Variants in PTPRT observed in about 807,000 individuals in gnomAD.
PTPRT encodes protein tyrosine phosphatase receptor type T.
Under a neutral mutation model 176.8 loss-of-function variants are expected in PTPRT, and 56 were observed. The observed-to-expected ratio is 0.32, with a 90% CI of 0.26 to 0.40. PTPRT has a LOEUF of 0.40. Ranked by LOEUF, PTPRT falls within the 10% of genes least tolerant of loss-of-function variation. The probability of loss-of-function intolerance (pLI) is 1.00; values close to 1 mark genes in which losing one functional copy is unlikely to be tolerated. For missense variants in PTPRT, 1,540 were observed against 1,908.2 expected (o/e 0.81, Z 3.60); for synonymous variants, 783 against 739.0 (o/e 1.06, Z -0.96).
intron 6 of PTPRT, among the ~76,000 whole-genome samples, chr20:42,696,075 C>A (rs2075870072): frequency 6.6e-6 from 1 of 152,072 alleles, no homozygotes; most frequent in South Asian, 2.1e-4. Context: ...TACACTAAGT[C>A]TACCATTTTA....
At chr20:42,357,255 C>T (rs748373991) in intron 9 of PTPRT, among the ~76,000 whole-genome samples, 6 of 152,282 alleles carry the variant, frequency 3.9e-5, no homozygotes, top group Admixed American at 6.5e-5. Context: ...TCTCACACTA[C>T]GAAAGCAGAG....
intron 7 of PTPRT, among the ~76,000 whole-genome samples, chr20:42,669,980 C>T (rs974163316): frequency 3.9e-5 from 6 of 152,126 alleles, no homozygotes; most frequent in Admixed American, 6.5e-5. Context: ...CCCCTTACCC[C>T]GTGCCCTATA....
At chr20:42,941,467 C>T (rs904905070) in intron 1 of PTPRT, among the ~76,000 whole-genome samples, 1 of 152,174 alleles carries the variant, frequency 6.6e-6, no homozygotes, top group Non-Finnish European at 1.5e-5. Context: ...TGCCTCTTCC[C>T]TACCCCTTTT....
intron 5 of PTPRT, among the ~76,000 whole-genome samples, chr20:42,765,148 C>T (rs959226580): frequency 3.9e-5 from 6 of 152,292 alleles, no homozygotes; most frequent in African/African-American, 9.6e-5. Flanking sequence ...CTGCACAGGG[C>T]GTTTGGACAC....
chr20:42,787,585 A>C (rs1424148909), intron 3 of PTPRT, among the ~76,000 whole-genome samples: 1 of 152,256 alleles, frequency 6.6e-6, no homozygotes, highest in African/African-American at 2.4e-5. Flanking sequence ...TGTTCCACAG[A>C]GCACACTCTA....
intron 15 of PTPRT, among the ~76,000 whole-genome samples, chr20:42,204,816 A>G (rs1009979059): frequency 6.6e-6 from 1 of 152,038 alleles, no homozygotes; most frequent in Non-Finnish European, 1.5e-5. Flanking sequence ...AAAGTGTGGA[A>G]ATCATGCTAC....
Position 42,080,697 on chromosome 20 carries a change from C to T in PTPRT, c.*182G>A, listed in dbSNP as rs986151732. The T allele has an allele frequency of 2.4e-5, 12 of 494,726 alleles. No homozygotes were observed. Among genetic ancestry groups the T allele is most frequent in the African/African-American group, 7.8e-5 (4 of 50,972 alleles). 30.6% of individuals were successfully genotyped at this position (494,726 alleles called of 1,614,324 possible). ...GGGCCTTTTGGAGCAGCATCTCCCA[C>T]GGCAACAGGAGACCCCTCAGAAGGT... On this transcript the variant is annotated 3_prime_UTR_variant, in exon 31 of 31. Coordinates refer to ENST00000373187, the MANE Select transcript of PTPRT (RefSeq NM_007050.6).
At chr20:42,645,560 C>G (rs1034651682) in intron 7 of PTPRT, among the ~76,000 whole-genome samples, 2 of 152,066 alleles carry the variant, frequency 1.3e-5, no homozygotes. Context: ...GGGAACCCAA[C>G]ATAACACATG....
At chr20:43,149,005 T>C (rs1311088430) in intron 1 of PTPRT, among the ~76,000 whole-genome samples, 2 of 152,154 alleles carry the variant, frequency 1.3e-5, no homozygotes, top group Non-Finnish European at 2.9e-5. Context: ...GCAGAATAAC[T>C]GGGGGAAAGA....
chr20:42,747,293 G>C (rs2076704460), intron 6 of PTPRT, among the ~76,000 whole-genome samples: 1 of 152,166 alleles, frequency 6.6e-6, no homozygotes, highest in Non-Finnish European at 1.5e-5. Flanking sequence ...AAGGACCTGA[G>C]CACTCTTCCC....
At chr20:42,956,405 C>G (rs1256158379) in intron 1 of PTPRT, among the ~76,000 whole-genome samples, 1 of 150,548 alleles carries the variant, frequency 6.6e-6, no homozygotes, top group East Asian at 1.9e-4. Flanking sequence ...GTAACTCTCT[C>G]TCTTGCTCCT....
At position 42,107,501 on chromosome 20, in the gene PTPRT, A is replaced by C. The variant is rs1986575606; in HGVS notation, c.3255-580T>G. ...AAGTTTCTTGATACATACTTACTTGATTTCTGGTCACTAGTGGCTTCTTTA... is the reference window on the plus strand; with the variant it reads ...AAGTTTCTTGATACATACTTACTTGCTTTCTGGTCACTAGTGGCTTCTTTA... On this transcript the variant is annotated intron_variant, in intron 23 of 30. Coordinates refer to ENST00000373187, the MANE Select transcript of PTPRT (RefSeq NM_007050.6). Among the ~76,000 whole-genome samples the C allele has an allele frequency of 2.0e-5, 3 of 152,194 alleles. No homozygotes were observed. The South Asian group carries it at 6.2e-4, about 32-fold the overall frequency.
At chr20:42,409,331 A>C (rs2058990271) in intron 9 of PTPRT, among the ~76,000 whole-genome samples, 1 of 151,826 alleles carries the variant, frequency 6.6e-6, no homozygotes, top group Admixed American at 6.6e-5. Context: ...AAATACAAAA[A>C]ATTAGCCGGG....
intron 7 of PTPRT, among the ~76,000 whole-genome samples, chr20:42,525,752 T>G (rs1024917384): frequency 6.6e-6 from 1 of 152,244 alleles, no homozygotes; most frequent in Admixed American, 6.5e-5. Flanking sequence ...TTTTTATGAA[T>G]GTAGAAGCTA....
rs1161994908 is a variant in PTPRT at position 42,646,882 on chromosome 20, C to CTTTTTTT, written c.1153+30977_1153+30983dup. ...TCTAGAGATCCCAACCTAAGACAGC[C>CTTTTTTT]TTTTTTTTTTTTTTTTTTTTTTTTT... On this transcript the variant is annotated intron_variant, in intron 7 of 30. Coordinates refer to ENST00000373187, the MANE Select transcript of PTPRT (RefSeq NM_007050.6). Among the ~76,000 whole-genome samples, 510 of 76,272 alleles carry CTTTTTTT rather than the reference C, an allele frequency of 6.7e-3. 90 individuals are homozygous for CTTTTTTT. The highest frequency in any genetic ancestry group is 0.037 in the African/African-American group (496 of 13,356). The allele number at this position is 76,272 out of a possible 152,430, so 50.0% of individuals were successfully genotyped here. A position where few individuals can be genotyped will look rare whatever the true frequency, so the allele number is the denominator to read the frequency against.
chr20:42,448,076 A>G, intron 9 of PTPRT, 144 bp downstream of exon 9: 1 of 680,404 alleles, frequency 1.5e-6, no homozygotes, highest in South Asian at 1.8e-5. Flanking sequence ...TTATGTTTGC[A>G]CCCCATTGTA....
intron 1 of PTPRT, among the ~76,000 whole-genome samples, chr20:42,955,754 C>T (rs1488593375): frequency 1.3e-5 from 2 of 150,722 alleles, no homozygotes; most frequent in Admixed American, 6.6e-5. Context: ...TGAGGCAGTA[C>T]ATTCTCACAA....
chr20:43,030,919 T>C (rs1986114812), intron 1 of PTPRT, among the ~76,000 whole-genome samples: 1 of 152,240 alleles, frequency 6.6e-6, no homozygotes, highest in Non-Finnish European at 1.5e-5. Context: ...GGAGATGAGA[T>C]GCAAGAAGGA....
chr20:42,419,922 G>A (rs2059102906), intron 9 of PTPRT, among the ~76,000 whole-genome samples: 1 of 152,136 alleles, frequency 6.6e-6, no homozygotes, highest in Non-Finnish European at 1.5e-5. Flanking sequence ...AGCGAGACTG[G>A]AGCAATGCAG....
Sources: allele counts gnomAD v4.1 joint callset (sites outside exome capture counted in the v4.1 genomes callset), GRCh38; gene constraint gnomAD v4.1.1; transcripts MANE v1.5; gene names NCBI Gene and HGNC (gene_info 2026-07-23, HGNC 2026-07-21).